ANKRD42: variants seen among roughly 807,000 people sequenced by gnomAD.
ANKRD42 encodes ankyrin repeat domain 42, also known as ankyrin repeat domain-containing protein 42.
ANKRD42 carries 43 observed loss-of-function variants against 51.5 expected under a neutral mutation model. The ratio of observed to expected loss-of-function variants is 0.83; its 90% CI spans 0.65 to 1.08. The LOEUF (loss-of-function observed/expected upper bound fraction) is 1.08. ANKRD42 is among the 50% of genes least tolerant of loss of function. ANKRD42 has a pLI of 0.00. For missense variants in ANKRD42, 608 were observed against 629.3 expected (o/e 0.97, Z 0.36); for synonymous variants, 203 against 213.0 (o/e 0.95, Z 0.41).
chr11:83,249,140 T>C (rs115742285), downstream of ANKRD42, among the ~76,000 whole-genome samples: 3,189 of 152,284 alleles, frequency 0.021, 99 homozygotes, highest in African/African-American at 0.072. Context: ...CCCTCCACCT[T>C]GTGGCAGGGA....
At chr11:83,234,583 C>T (rs80309711) in intron 7 of ANKRD42, among the ~76,000 whole-genome samples, 2,919 of 152,264 alleles carry the variant, frequency 0.019, 111 homozygotes, top group East Asian at 0.18. Context: ...CATTACTTAA[C>T]CTCCCTCCCT....
At chr11:83,247,831 T>G in intron 10 of ANKRD42, 112 bp from the exon 11 acceptor site, 2 of 933,680 alleles carry the variant, frequency 2.1e-6, no homozygotes, top group Non-Finnish European at 3.1e-6. Context: ...GTTGAATAAA[T>G]GATTTCTTTG....
chr11:83,220,828 C>G (rs946996478), intron 5 of ANKRD42, among the ~76,000 whole-genome samples: 2 of 151,980 alleles, frequency 1.3e-5, no homozygotes, highest in African/African-American at 4.8e-5. Flanking sequence ...TGTCTTTGAC[C>G]TTTGAGAGTT....
chr11:83,241,302 CTG>C (rs1863380185), intron 9 of ANKRD42, among the ~76,000 whole-genome samples: 1 of 152,106 alleles, frequency 6.6e-6, no homozygotes, highest in Admixed American at 6.5e-5. Context: ...GTGCCAGACA[CTG>C]TTGTAGTTAT....
chr11:83,204,528 C>T (rs572427123), intron 2 of ANKRD42, among the ~76,000 whole-genome samples: 9 of 152,146 alleles, frequency 5.9e-5, no homozygotes, highest in African/African-American at 2.2e-4. Flanking sequence ...TGTTTGGTAA[C>T]CTGGTCACTA....
intron 5 of ANKRD42, among the ~76,000 whole-genome samples, chr11:83,223,530 A>T (rs1344187439): frequency 6.6e-6 from 1 of 152,186 alleles, no homozygotes; most frequent in African/African-American, 2.4e-5. Flanking sequence ...GGGCCTGAAC[A>T]ATGTGGAGAG....
intron 5 of ANKRD42, chr11:83,215,197 G>A (rs1361397275): frequency 6.6e-6 from 1 of 152,088 alleles, no homozygotes; most frequent in Admixed American, 6.5e-5. Context: ...TGAGAGTGCA[G>A]TTATCTCTTT....
chr11:83,210,496 C>T (rs553484), intron 4 of ANKRD42, 77 bp downstream of exon 4: 532,625 of 1,523,566 alleles, frequency 0.35, 97,292 homozygotes, highest in East Asian at 0.59. Context: ...GTTATCTCTT[C>T]CTGACTTTTT....
chr11:83,235,443 T>G (rs1863195413), intron 7 of ANKRD42, among the ~76,000 whole-genome samples: 1 of 152,188 alleles, frequency 6.6e-6, no homozygotes, highest in Non-Finnish European at 1.5e-5. Context: ...ATGAGGAAAT[T>G]GATGTTTAGA....
At chr11:83,233,258 A>T (rs1863134492) in intron 7 of ANKRD42, among the ~76,000 whole-genome samples, 1 of 146,704 alleles carries the variant, frequency 6.8e-6, no homozygotes, top group Admixed American at 6.8e-5. Flanking sequence ...TATGGCTTTG[A>T]TATCATTACT....
Position 83,206,155 on chromosome 11 carries a change from C to T in ANKRD42, c.320C>T (p.Ala107Val), listed in dbSNP as rs1862064682. The change falls in exon 3 of 11, where the codon GCT (alanine) becomes GTT (valine). Residue 107 changes from alanine to valine, a missense_variant. Coordinates refer to ENST00000533342, the MANE Select transcript of ANKRD42 (RefSeq NM_001300975.2). ...ATAGCTGCAATCAGGGGTCAGGATG[C>T]TTGTGTACAGGTAATAATATTACTT... Reference protein sequence around the residue: ...SHIAAIRGQDACVQALIMNGA... With the variant: ...SHIAAIRGQDVCVQALIMNGA... 3 of 1,612,046 alleles carry T rather than the reference C, an allele frequency of 1.9e-6. No individual in the cohort carries two copies. Among genetic ancestry groups the T allele is most frequent in the Non-Finnish European group, 2.5e-6 (3 of 1,178,208 alleles).
Position 83,248,730 on chromosome 11 carries a change from A to G in ANKRD42, c.*526A>G. 1.0e-6 allele frequency: 1 copy of G among 976,294 alleles called. No individual in the cohort carries two copies. The allele number at this position is 976,294 out of a possible 1,614,324, so 60.5% of individuals were successfully genotyped here. A position where few individuals can be genotyped will look rare whatever the true frequency, so the allele number is the denominator to read the frequency against. On this transcript the variant is annotated 3_prime_UTR_variant, in exon 11 of 11. Coordinates refer to ENST00000533342, the MANE Select transcript of ANKRD42 (RefSeq NM_001300975.2). ...ACTTTAAAAATATTAAAATAATAAA[A>G]CATGTTTGTTGTATAGTGTTAAAAA...
chr11:83,209,277 A>C, intron 3 of ANKRD42: 1 of 654,692 alleles, frequency 1.5e-6, no homozygotes, highest in South Asian at 1.8e-5. Context: ...AATCAATATT[A>C]TAAGTGTCTT....
At chr11:83,206,469 T>C (rs952583089) in intron 3 of ANKRD42, among the ~76,000 whole-genome samples, 2 of 152,218 alleles carry the variant, frequency 1.3e-5, no homozygotes, top group African/African-American at 4.8e-5. Flanking sequence ...TCCTCCAAAA[T>C]AAATATGTTG....
At chr11:83,217,840 T>A (rs951163750) in intron 5 of ANKRD42, among the ~76,000 whole-genome samples, 7 of 152,206 alleles carry the variant, frequency 4.6e-5, no homozygotes, top group Middle Eastern at 3.2e-3. Flanking sequence ...TGCTCCTCTT[T>A]TGGTTCCCTC....
exon 12 of ANKRD42, chr11:83,255,995 A>C: frequency 8.2e-7 from 1 of 1,225,134 alleles, no homozygotes; most frequent in East Asian, 2.6e-5. Context: ...AATTGATATA[A>C]ATGTGAGTCT....
At chr11:83,223,945 CT>C (rs201525854) in intron 5 of ANKRD42, among the ~76,000 whole-genome samples, 3,733 of 135,524 alleles carry the variant, frequency 0.028, 91 homozygotes, top group African/African-American at 0.082. Context: ...AGATTCATTC[CT>C]TTTTTTTTTT....
rs1288643995 is a variant in ANKRD42, at chr11:83,194,285, A to T, written c.-386A>T. The T allele has an allele frequency of 8.3e-6, 4 of 482,540 alleles. No individual in the cohort carries two copies. The highest frequency in any genetic ancestry group is 1.6e-5 in the Non-Finnish European group (4 of 244,608). The allele number at this position is 482,540 out of a possible 1,614,324, so 29.9% of individuals were successfully genotyped here. On this transcript the variant is annotated 5_prime_UTR_variant, in exon 1 of 11. Coordinates refer to ENST00000533342, the MANE Select transcript of ANKRD42 (RefSeq NM_001300975.2). The stretch of plus-strand genomic sequence containing the variant: ...GACATTCGGGACCCGCGAACTAGTG[A>T]CTTCGGGGATAGAGTCAGTGACGAT...
intron 3 of ANKRD42, chr11:83,209,909 G>A (rs190341873): frequency 2.3e-3 from 907 of 400,544 alleles, no homozygotes; most frequent in Admixed American, 3.3e-3. Flanking sequence ...AATACACTTG[G>A]CAGATGGAGG....
Sources: gnomAD v4.1 joint callset for allele counts (sites outside exome capture counted in the v4.1 genomes callset) on GRCh38, gnomAD v4.1.1 for gene constraint, MANE v1.5 for transcripts, NCBI Gene and HGNC (gene_info 2026-07-23, HGNC 2026-07-21) for gene names.